CABLES1: variants seen among roughly 807,000 people sequenced by gnomAD.
CABLES1 encodes Cdk5 and Abl enzyme substrate 1, also known as CDK5 and ABL1 enzyme substrate 1.
Under a neutral mutation model 57.8 loss-of-function variants are expected in CABLES1, and 36 were observed. The ratio of observed to expected loss-of-function variants is 0.62; its 90% CI spans 0.48 to 0.82. The LOEUF is 0.82. Ranked by LOEUF, CABLES1 falls within the 40% of genes least tolerant of loss-of-function variation. CABLES1 has a pLI of 0.00. For missense variants in CABLES1, 767 were observed against 836.6 expected (o/e 0.92, Z 1.03); for synonymous variants, 374 against 363.0 (o/e 1.03, Z -0.35).
intron 1 of CABLES1, among the ~76,000 whole-genome samples, chr18:23,178,666 G>A (rs2047142460): frequency 6.6e-6 from 1 of 152,190 alleles, no homozygotes. Flanking sequence ...GGAGATCTTT[G>A]GGGATGAATT....
At position 23,257,488 on chromosome 18, in the gene CABLES1, A is replaced by G. The variant is rs1176239496; in HGVS notation, c.*121A>G. On this transcript the variant is annotated 3_prime_UTR_variant, in exon 10 of 10. Coordinates refer to ENST00000256925, the MANE Select transcript of CABLES1 (RefSeq NM_001100619.3). ...ACCAGACTTTTCTTCCTCTCGACAT[A>G]GTTTGGGGAGAAGCAGTACTAGAAA... 1 of 1,153,820 alleles carries G rather than the reference A, an allele frequency of 8.7e-7. No individual in the cohort carries two copies. The highest frequency in any genetic ancestry group is 1.2e-6 in the Non-Finnish European group (1 of 844,228). The allele number at this position is 1,153,820 out of a possible 1,614,324, so 71.5% of individuals were successfully genotyped here.
At chr18:23,240,838 C>T (rs1257297112) in intron 7 of CABLES1, among the ~76,000 whole-genome samples, 1 of 152,212 alleles carries the variant, frequency 6.6e-6, no homozygotes, top group African/African-American at 2.4e-5. Context: ...TGAGATGCCT[C>T]TGCTGAATGA....
At chr18:23,224,199 G>C (rs952830369) in intron 4 of CABLES1, among the ~76,000 whole-genome samples, 2 of 148,818 alleles carry the variant, frequency 1.3e-5, no homozygotes, top group Non-Finnish European at 3.0e-5. Flanking sequence ...CAGCTAAACA[G>C]AGAGCTCTTC....
intron 3 of CABLES1, among the ~76,000 whole-genome samples, chr18:23,199,460 C>T (rs1420001660): frequency 1.3e-5 from 2 of 152,186 alleles, no homozygotes; most frequent in African/African-American, 2.4e-5. Flanking sequence ...AGTGTCTCAG[C>T]AGATGCATGG....
At chr18:23,184,796 G>C (rs995560334) in intron 1 of CABLES1, among the ~76,000 whole-genome samples, 1 of 152,234 alleles carries the variant, frequency 6.6e-6, no homozygotes, top group South Asian at 2.1e-4. Flanking sequence ...GTTGGGGTCA[G>C]ATGAGGGCTC....
At chr18:23,239,801 C>T (rs767216161) in intron 7 of CABLES1, among the ~76,000 whole-genome samples, 1 of 152,128 alleles carries the variant, frequency 6.6e-6, no homozygotes, top group Non-Finnish European at 1.5e-5. Context: ...GCACCATAAT[C>T]GTGAGGAAGG....
Position 23,252,813 on chromosome 18 carries a change from G to C in CABLES1, c.1447-147G>C. ...GGCCACAGTCCCCTTCAGGCTCCTG[G>C]ATTCCGCCGAGCCCTTGTTGTAGCT... is the stretch of plus-strand genomic sequence containing the variant. On this transcript the variant is annotated intron_variant, in intron 7 of 9. Transcript: ENST00000256925. The C allele has an allele frequency of 1.2e-5, 7 of 566,870 alleles. No individual in the cohort carries two copies. In the South Asian group the frequency reaches 1.4e-4, roughly 11 times the overall value. 35.1% of individuals were successfully genotyped at this position (566,870 alleles called of 1,614,324 possible).
At chr18:23,139,120 C>G (rs531538308) in intron 1 of CABLES1, among the ~76,000 whole-genome samples, 2 of 151,892 alleles carry the variant, frequency 1.3e-5, no homozygotes, top group East Asian at 3.9e-4. Context: ...AATGTCGGGC[C>G]GGGTGTGGTG....
At chr18:23,252,822 G>T (rs942632132) in intron 7 of CABLES1, 138 bp from the exon 8 acceptor site, 9 of 586,010 alleles carry the variant, frequency 1.5e-5, no homozygotes, top group Middle Eastern at 3.0e-4. Flanking sequence ...GGATTCCGCC[G>T]AGCCCTTGTT....
At chr18:23,190,991 C>A (rs1018024585) in intron 2 of CABLES1, among the ~76,000 whole-genome samples, 4 of 151,060 alleles carry the variant, frequency 2.6e-5, no homozygotes, top group Non-Finnish European at 4.4e-5. Context: ...CACCTGTAAC[C>A]CCAGCACTTT....
At chr18:23,231,003 C>G (rs183547810) in intron 4 of CABLES1, among the ~76,000 whole-genome samples, 1 of 151,072 alleles carries the variant, frequency 6.6e-6, no homozygotes, top group Non-Finnish European at 1.5e-5. Flanking sequence ...AGGCATGGGT[C>G]CCATTTGATC....
intron 7 of CABLES1, among the ~76,000 whole-genome samples, chr18:23,246,452 C>T (rs1288692847): frequency 1.3e-5 from 2 of 151,914 alleles, no homozygotes; most frequent in Non-Finnish European, 2.9e-5. Flanking sequence ...AGTGCAGTGG[C>T]AAGATCTTGG....
At chr18:23,174,629 A>G (rs577127813) in intron 1 of CABLES1, among the ~76,000 whole-genome samples, 2,103 of 150,016 alleles carry the variant, frequency 0.014, 20 homozygotes, top group Non-Finnish European at 0.021. Context: ...CCACCACCAC[A>G]CCCGGCTAAT....
chr18:23,235,719 G>A (rs1370037942), intron 5 of CABLES1, among the ~76,000 whole-genome samples, 176 bp from the exon 6 acceptor site: 2 of 152,230 alleles, frequency 1.3e-5, no homozygotes, highest in African/African-American at 2.4e-5. Context: ...TTCAGGTTGG[G>A]TGTTGGCACC....
intron 1 of CABLES1, among the ~76,000 whole-genome samples, chr18:23,156,237 G>C (rs765463572): frequency 2.4e-4 from 36 of 152,206 alleles, no homozygotes; most frequent in Non-Finnish European, 3.1e-4. Context: ...ACATGGATAA[G>C]AAGGAACCTC....
At chr18:23,148,059 G>C (rs191648507) in intron 1 of CABLES1, among the ~76,000 whole-genome samples, 1 of 136,386 alleles carries the variant, frequency 7.3e-6, no homozygotes, top group South Asian at 2.3e-4. Flanking sequence ...GCGTGATCTC[G>C]GCTTACTGCA....
chr18:23,241,761 G>T (rs1364311406), intron 7 of CABLES1, among the ~76,000 whole-genome samples: 2 of 152,144 alleles, frequency 1.3e-5, no homozygotes, highest in African/African-American at 4.8e-5. Flanking sequence ...ATCTTTGTGC[G>T]TGTGTGTCCT....
At position 23,151,514 on chromosome 18, in the gene CABLES1, T is replaced by C. The variant is rs77236191; in HGVS notation, c.845+14907T>C. 3.0e-3 allele frequency among the ~76,000 whole-genome samples: 450 copies of C among 152,278 alleles called. 11 individuals carry two copies. The East Asian group carries it at 0.051, about 17-fold the overall frequency. Reference sequence around the variant, plus strand: ...TTGGAGGTAGAGCTGATAGAACTTGTAGGGAACTTGAATGTTCCCTGCCAT... The same window carrying C: ...TTGGAGGTAGAGCTGATAGAACTTGCAGGGAACTTGAATGTTCCCTGCCAT... On this transcript the variant is annotated intron_variant, in intron 1 of 9. Transcript: ENST00000256925.
At chr18:23,254,366 C>T (rs899205594) in intron 9 of CABLES1, among the ~76,000 whole-genome samples, 1 of 152,196 alleles carries the variant, frequency 6.6e-6, no homozygotes, top group Non-Finnish European at 1.5e-5. Flanking sequence ...GGTGGTATCT[C>T]TTTTCTTTAA....
Sources: gnomAD v4.1 joint callset for allele counts (sites outside exome capture counted in the v4.1 genomes callset) on GRCh38, gnomAD v4.1.1 for gene constraint, MANE v1.5 for transcripts, NCBI Gene and HGNC (gene_info 2026-07-23, HGNC 2026-07-21) for gene names.